The following ADRA1A variants were observed in gnomAD, a reference collection of about 807,000 sequenced individuals.
ADRA1A encodes the protein adrenoceptor alpha 1A.
Under a neutral mutation model 29.6 loss-of-function variants are expected in ADRA1A, and 31 were observed. The observed-to-expected ratio is 1.05, with a 90% CI of 0.79 to 1.41. The LOEUF (loss-of-function observed/expected upper bound fraction) is 1.41. Ranked by LOEUF, ADRA1A falls within the 40% of genes most tolerant of loss-of-function variation. ADRA1A has a pLI of 0.00. For missense variants in ADRA1A, 619 were observed against 601.1 expected, an observed-to-expected ratio of 1.03 and a Z score of -0.31; for synonymous variants, 311 against 254.3, an observed-to-expected ratio of 1.22 and a Z score of -2.12.
In ADRA1A at chr8:26,866,850, A is replaced by G; in HGVS notation, c.-687+86T>C. On this transcript the variant is annotated intron_variant, in intron 1 of 2. Transcript: ENST00000380573. The surrounding 1 kb of genome is among the most constrained non-coding windows in gnomAD (Gnocchi z 5.7). ...TGGAAAAAGCGGGAGGCGCTGGGAA[A>G]AGTGGGGGTTCCGTCTCACCAGACG... 1 of 985,466 alleles carries G rather than the reference A, an allele frequency of 1.0e-6. No homozygotes were observed. The highest frequency in any genetic ancestry group is 1.2e-6 in the Non-Finnish European group (1 of 829,978). 61.0% of individuals were successfully genotyped at this position (985,466 alleles called of 1,614,324 possible). A position where few individuals can be genotyped will look rare whatever the true frequency, so the allele number is the denominator to read the frequency against.
At chr8:26,833,074 A>G (rs2130658363) in intron 2 of ADRA1A, among the ~76,000 whole-genome samples, 1 of 152,322 alleles carries the variant, frequency 6.6e-6, no homozygotes, top group Admixed American at 6.5e-5. Context: ...AGTTATAGAT[A>G]TACGTGTGTG....
At chr8:26,824,751 C>G (rs1044108882) in intron 2 of ADRA1A, among the ~76,000 whole-genome samples, 6 of 152,152 alleles carry the variant, frequency 3.9e-5, no homozygotes, top group Non-Finnish European at 8.8e-5. Flanking sequence ...AAAGAAAAAA[C>G]ACACACATGG....
rs1193087324 is a variant in ADRA1A, at chr8:26,865,069, T to C, written c.-100A>G. ...GAGCCGGGAATCAAAAGGTCTCGGC[T>C]GGAGGGAGCCCTGCCAGGTGGGTTT... is the stretch of plus-strand genomic sequence containing the variant. On this transcript the variant is annotated 5_prime_UTR_variant, in exon 2 of 3. Transcript: ENST00000380573. This position sits in a 1 kb window ranked among gnomAD's most constrained non-coding sequence, Gnocchi z 7.6. 2 of 1,507,150 alleles carry C rather than the reference T, an allele frequency of 1.3e-6. No homozygotes were observed. Among genetic ancestry groups the C allele is most frequent in the Non-Finnish European group, 1.8e-6 (2 of 1,138,794 alleles). 93.4% of individuals were successfully genotyped at this position (1,507,150 alleles called of 1,614,324 possible). A position where few individuals can be genotyped will look rare whatever the true frequency, so the allele number is the denominator to read the frequency against.
intron 2 of ADRA1A, among the ~76,000 whole-genome samples, chr8:26,845,291 A>G (rs971079237): frequency 1.1e-4 from 16 of 152,246 alleles, no homozygotes; most frequent in Non-Finnish European, 1.9e-4. Flanking sequence ...GTGAATAGAT[A>G]TAACTCCAAA....
intron 2 of ADRA1A, chr8:26,859,217 T>TAATA (rs1459602780): frequency 5.5e-6 from 7 of 1,265,570 alleles, no homozygotes; most frequent in Non-Finnish European, 7.2e-6. Flanking sequence ...TTGAATATAA[T>TAATA]AATATGATAG....
intron 2 of ADRA1A, chr8:26,778,966 A>T (rs1806751346): frequency 6.6e-6 from 1 of 152,478 alleles, no homozygotes; most frequent in Non-Finnish European, 1.5e-5. Context: ...TATATATATA[A>T]ATTTTTTTAA....
chr8:26,784,342 C>T (rs1807218897), intron 2 of ADRA1A, among the ~76,000 whole-genome samples: 1 of 152,194 alleles, frequency 6.6e-6, no homozygotes, highest in African/African-American at 2.4e-5. Context: ...CTGAAATGCT[C>T]ACCCAATATC....
At chr8:26,835,353 A>T (rs576980015) in intron 2 of ADRA1A, among the ~76,000 whole-genome samples, 69 of 152,230 alleles carry the variant, frequency 4.5e-4, no homozygotes, top group Non-Finnish European at 7.8e-4. Flanking sequence ...ATAGTGTATT[A>T]GTCTGTTCTC....
At chr8:26,802,238 G>A (rs1314314122) in intron 2 of ADRA1A, among the ~76,000 whole-genome samples, 1 of 152,078 alleles carries the variant, frequency 6.6e-6, no homozygotes, top group Non-Finnish European at 1.5e-5. Flanking sequence ...ATCACATCAA[G>A]TTAACAAGCT....
At chr8:26,757,700 G>T (rs543911887) in intron 2 of ADRA1A, among the ~76,000 whole-genome samples, 2 of 152,220 alleles carry the variant, frequency 1.3e-5, no homozygotes, top group South Asian at 4.2e-4. Flanking sequence ...TGTGGTTTTG[G>T]CTTGTAAACA....
At chr8:26,847,614 T>TA (rs1228282534) in intron 2 of ADRA1A, among the ~76,000 whole-genome samples, 2 of 152,186 alleles carry the variant, frequency 1.3e-5, no homozygotes, top group Non-Finnish European at 1.5e-5. Context: ...GGATAGCACA[T>TA]AAAAAAAGTG....
rs1286630232 is a variant in ADRA1A at position 26,775,475 on chromosome 8, G to T, written c.884-4809C>A. Among the ~76,000 whole-genome samples the T allele has an allele frequency of 6.6e-6, 1 of 152,108 alleles. No homozygotes were observed. Among genetic ancestry groups the T allele is most frequent in the African/African-American group, 2.4e-5 (1 of 41,404 alleles). ...TTTTTCTCATGATGCTTCATAGGAA[G>T]AGCCAGACTTCCAAATCACCCACAT... On this transcript the variant is annotated intron_variant, in intron 2 of 2. Coordinates refer to ENST00000380573, the MANE Select transcript of ADRA1A (RefSeq NM_000680.4). The surrounding 1 kb of genome is among the most constrained non-coding windows in gnomAD (Gnocchi z 4.1).
At chr8:26,798,714 G>T (rs1232156061) in intron 2 of ADRA1A, among the ~76,000 whole-genome samples, 1 of 152,072 alleles carries the variant, frequency 6.6e-6, no homozygotes, top group African/African-American at 2.4e-5. Context: ...ACAAAAAGAG[G>T]ATTTTGGGGG....
At chr8:26,800,721 A>G (rs1808514569) in intron 2 of ADRA1A, among the ~76,000 whole-genome samples, 1 of 152,160 alleles carries the variant, frequency 6.6e-6, no homozygotes. Flanking sequence ...TATTTCAAAA[A>G]ATAGAAGAAG....
chr8:26,833,722 T>C (rs898704143), intron 2 of ADRA1A, among the ~76,000 whole-genome samples: 1 of 152,260 alleles, frequency 6.6e-6, no homozygotes, highest in East Asian at 1.9e-4. Context: ...CTCAAGACTG[T>C]CTTTCATACT....
intron 2 of ADRA1A, among the ~76,000 whole-genome samples, chr8:26,830,843 C>A (rs374011022): frequency 1.3e-5 from 2 of 152,178 alleles, no homozygotes; most frequent in Admixed American, 1.3e-4. Context: ...CCTGCCAGAA[C>A]AAAGCTGGGT....
intron 2 of ADRA1A, among the ~76,000 whole-genome samples, chr8:26,786,113 C>T (rs1807357321): frequency 6.6e-6 from 1 of 152,120 alleles, no homozygotes. Context: ...AGATGAAGCC[C>T]AACGTCCATA....
intron 2 of ADRA1A, among the ~76,000 whole-genome samples, chr8:26,862,033 G>A (rs1009558958): frequency 1.3e-5 from 2 of 152,010 alleles, no homozygotes; most frequent in African/African-American, 4.8e-5. Flanking sequence ...ACCCTTGAAT[G>A]ACTTCCCACC....
chr8:26,755,597 T>C (rs186844586), downstream of ADRA1A, among the ~76,000 whole-genome samples: 46 of 152,258 alleles, frequency 3.0e-4, no homozygotes, highest in African/African-American at 9.6e-4. Flanking sequence ...GGAACAACTG[T>C]TTCTGTTCCC....
Sources: gnomAD v4.1 joint callset for allele counts (sites outside exome capture counted in the v4.1 genomes callset) on GRCh38, gnomAD v4.1.1 for gene constraint, Gnocchi (gnomAD v3.1) non-coding constraint, MANE v1.5 for transcripts, NCBI Gene and HGNC (gene_info 2026-07-23, HGNC 2026-07-21) for gene names.